The following ASAP1 variants were observed in gnomAD, a reference collection of about 807,000 sequenced individuals.
ASAP1 encodes the protein arf-GAP with SH3 domain, ANK repeat and PH domain-containing protein 1.
A neutral mutation model predicts 145.2 loss-of-function variants in ASAP1; 43 were observed. The observed-to-expected ratio is 0.30, with a 90% confidence interval of 0.23 to 0.38. ASAP1 has a LOEUF of 0.38. ASAP1 is among the 10% of genes least tolerant of loss of function. The probability of loss-of-function intolerance (pLI) is 1.00; values close to 1 mark genes in which losing one functional copy is unlikely to be tolerated. For missense variants in ASAP1, 1,018 were observed against 1,355.3 expected, an observed-to-expected ratio of 0.75 and a Z score of 3.91; for synonymous variants, 546 against 515.5, an observed-to-expected ratio of 1.06 and a Z score of -0.80.
At chr8:130,434,502 C>T (rs539724812) in intron 1 of ASAP1, among the ~76,000 whole-genome samples, 2 of 152,266 alleles carry the variant, frequency 1.3e-5, no homozygotes, top group East Asian at 1.9e-4. Flanking sequence ...AAACTGCTTA[C>T]AACAGTAATG....
At chr8:130,250,685 G>T (rs1055341603) in intron 3 of ASAP1, among the ~76,000 whole-genome samples, 19 of 151,992 alleles carry the variant, frequency 1.3e-4, no homozygotes, top group African/African-American at 4.4e-4. Context: ...AGACCAAGAA[G>T]CCCGGGCTAT....
intron 23 of ASAP1, among the ~76,000 whole-genome samples, chr8:130,114,028 C>T (rs545070414): frequency 2.0e-5 from 3 of 152,226 alleles, no homozygotes; most frequent in Admixed American, 6.5e-5. Flanking sequence ...GGCATCCACC[C>T]GTCTCACCCT....
At chr8:130,143,785 T>C (rs969440965) in intron 13 of ASAP1, among the ~76,000 whole-genome samples, 1 of 152,238 alleles carries the variant, frequency 6.6e-6, no homozygotes, top group Non-Finnish European at 1.5e-5. Context: ...CAGCTTAGTG[T>C]GCACCATGGT....
At chr8:130,130,032 ACTGCAAAGC>A (rs1485598372) in intron 15 of ASAP1, among the ~76,000 whole-genome samples, 1 of 152,212 alleles carries the variant, frequency 6.6e-6, no homozygotes, top group East Asian at 1.9e-4. Flanking sequence ...TTTTCACTTG[ACTGCAAAGC>A]CTCTATTTCG....
chr8:130,407,099 G>T (rs1829065794), intron 1 of ASAP1, among the ~76,000 whole-genome samples: 1 of 152,138 alleles, frequency 6.6e-6, no homozygotes, highest in Non-Finnish European at 1.5e-5. Context: ...AAAATGGTTG[G>T]CTCCCCGTAA....
chr8:130,185,817 G>A (rs1461681960), intron 7 of ASAP1, among the ~76,000 whole-genome samples: 1 of 150,904 alleles, frequency 6.6e-6, no homozygotes, highest in Non-Finnish European at 1.5e-5. Flanking sequence ...ACAAGGAAGA[G>A]CACCTGTACC....
At chr8:130,412,582 A>G (rs936929921) in intron 1 of ASAP1, among the ~76,000 whole-genome samples, 5 of 152,098 alleles carry the variant, frequency 3.3e-5, no homozygotes, top group Non-Finnish European at 5.9e-5. Flanking sequence ...CCAGTCTCCG[A>G]TATTTCTTTA....
chr8:130,228,154 C>A (rs1010330623), intron 4 of ASAP1, among the ~76,000 whole-genome samples: 1 of 151,992 alleles, frequency 6.6e-6, no homozygotes, highest in Admixed American at 6.6e-5. Flanking sequence ...TCCTGAGAAA[C>A]GAAGGACTTG....
At chr8:130,178,776 C>A (rs1242242540) in intron 9 of ASAP1, among the ~76,000 whole-genome samples, 1 of 152,086 alleles carries the variant, frequency 6.6e-6, no homozygotes, top group African/African-American at 2.4e-5. Flanking sequence ...GTCATCCCAA[C>A]TACTGGGGAG....
chr8:130,055,922 A>T (rs1381168694), intron 29 of ASAP1, among the ~76,000 whole-genome samples: 1 of 152,180 alleles, frequency 6.6e-6, no homozygotes, highest in Non-Finnish European at 1.5e-5. Context: ...TGTGAATTTC[A>T]CATCACAGTT....
intron 3 of ASAP1, among the ~76,000 whole-genome samples, chr8:130,305,268 C>CT (rs1822922279): frequency 6.6e-6 from 1 of 152,242 alleles, no homozygotes; most frequent in Non-Finnish European, 1.5e-5. Context: ...AATGCACATA[C>CT]TTCTTAGTCT....
intron 3 of ASAP1, among the ~76,000 whole-genome samples, chr8:130,295,479 C>T (rs1350640628): frequency 6.6e-6 from 1 of 152,152 alleles, no homozygotes; most frequent in Non-Finnish European, 1.5e-5. Flanking sequence ...AAATCCTTCA[C>T]TTCACTTTCC....
At chr8:130,059,366 ATGTTGCCC>A (rs1266598255) in intron 28 of ASAP1, among the ~76,000 whole-genome samples, 1 of 151,950 alleles carries the variant, frequency 6.6e-6, no homozygotes, top group Non-Finnish European at 1.5e-5. Context: ...GTTTCTCTGT[ATGTTGCCC>A]AGGCTGGTCA....
chr8:130,379,550 T>A (rs182435915), intron 2 of ASAP1, among the ~76,000 whole-genome samples: 3 of 152,210 alleles, frequency 2.0e-5, no homozygotes, highest in Non-Finnish European at 4.4e-5. Flanking sequence ...ATTGTGGGGG[T>A]TGCCCTAATT....
intron 3 of ASAP1, among the ~76,000 whole-genome samples, chr8:130,266,236 C>A (rs978607755): frequency 2.0e-5 from 3 of 152,156 alleles, no homozygotes; most frequent in East Asian, 3.9e-4. Flanking sequence ...AGTGAAGGTG[C>A]GGCTGGAGGA....
intron 10 of ASAP1, 110 bp downstream of exon 10, chr8:130,168,882 A>G (rs2136085707): frequency 4.5e-6 from 3 of 659,402 alleles, no homozygotes; most frequent in South Asian, 4.1e-5. Context: ...TTGTACAGAC[A>G]TATCATTTAA....
chr8:130,072,824 T>TGCACGCGCGCGC (rs1554816414), intron 27 of ASAP1, among the ~76,000 whole-genome samples: 1 of 32,280 alleles, frequency 3.1e-5, no homozygotes, highest in Non-Finnish European at 5.7e-5. Context: ...TGTGTGTGTG[T>TGCACGCGCGCGC]GCGCGCGGGG....
chr8:130,215,795 T>C (rs1229348718), intron 4 of ASAP1, among the ~76,000 whole-genome samples: 2 of 151,750 alleles, frequency 1.3e-5, no homozygotes, highest in African/African-American at 2.4e-5. Flanking sequence ...TATTGTGGCA[T>C]GCACCTGTGG....
At chr8:130,382,473 G>A (rs1468300099) in intron 2 of ASAP1, among the ~76,000 whole-genome samples, 1 of 152,202 alleles carries the variant, frequency 6.6e-6, no homozygotes, top group Non-Finnish European at 1.5e-5. Flanking sequence ...TAAAGGAGAA[G>A]CAGAACAGGG....
Sources: gnomAD v4.1 joint callset for allele counts (sites outside exome capture counted in the v4.1 genomes callset) on GRCh38, gnomAD v4.1.1 for gene constraint, MANE v1.5 for transcripts, NCBI Gene and HGNC (gene_info 2026-07-23, HGNC 2026-07-21) for gene names.